Variants in CD44 observed in about 807,000 individuals in gnomAD.
CD44 encodes CD44 antigen.
A neutral mutation model predicts 88.8 loss-of-function variants in CD44; 49 were observed. That is an observed-to-expected ratio of 0.55 (90% CI 0.44 to 0.70). CD44 has a LOEUF of 0.70. CD44 is among the 30% of genes least tolerant of loss of function. The probability of loss-of-function intolerance (pLI) is 0.00; values close to 1 mark genes in which losing one functional copy is unlikely to be tolerated. For missense variants in CD44, 883 were observed against 913.8 expected, an observed-to-expected ratio of 0.97 and a Z score of 0.43; for synonymous variants, 325 against 312.3, an observed-to-expected ratio of 1.04 and a Z score of -0.43.
At chr11:35,160,478 G>C (rs1942458752) in intron 1 of CD44, among the ~76,000 whole-genome samples, 3 of 152,174 alleles carry the variant, frequency 2.0e-5, no homozygotes, top group Non-Finnish European at 4.4e-5. Context: ...CTTGACACCA[G>C]AGTGAAATGC....
chr11:35,203,613 T>C (rs1947525168), intron 9 of CD44, among the ~76,000 whole-genome samples: 1 of 152,030 alleles, frequency 6.6e-6, no homozygotes, highest in Non-Finnish European at 1.5e-5. Flanking sequence ...ATCACACATA[T>C]CATTTTCTAA....
intron 1 of CD44, among the ~76,000 whole-genome samples, chr11:35,172,921 C>T (rs917823892): frequency 2.0e-5 from 3 of 151,858 alleles, no homozygotes; most frequent in South Asian, 2.1e-4. Flanking sequence ...TTGGAAGACC[C>T]GTCATATAGA....
intron 11 of CD44, among the ~76,000 whole-genome samples, chr11:35,207,714 G>A (rs1260141128): frequency 6.6e-6 from 1 of 152,176 alleles, no homozygotes; most frequent in Non-Finnish European, 1.5e-5. Context: ...TGGTTGGTAA[G>A]GGGGAGGGGA....
At chr11:35,175,046 AGGTGAC>A (rs1481594388) in intron 1 of CD44, among the ~76,000 whole-genome samples, 3 of 149,222 alleles carry the variant, frequency 2.0e-5, no homozygotes, top group Admixed American at 2.0e-4. Flanking sequence ...CTCTAAAGTG[AGGTGAC>A]GTGGAGTTAA....
chr11:35,190,091 C>A lies in CD44; in HGVS notation c.667+26C>A, dbSNP rs892886749. On this transcript the variant is annotated intron_variant, in intron 5 of 17. Transcript: ENST00000428726. ...GTAAGGAGAATAAATCACTGTGCTT[C>A]CCAATAGCAATTCCCTGGCAAAATG... The A allele has an allele frequency of 3.8e-6, 6 of 1,582,248 alleles. No homozygotes were observed. The African/African-American group carries it at 6.7e-5, about 18-fold the overall frequency.
At chr11:35,147,034 G>C (rs768512031) in intron 1 of CD44, among the ~76,000 whole-genome samples, 1 of 152,220 alleles carries the variant, frequency 6.6e-6, no homozygotes, top group Non-Finnish European at 1.5e-5. Flanking sequence ...GTAGGGCTGA[G>C]AGGGATGTGA....
intron 1 of CD44, among the ~76,000 whole-genome samples, chr11:35,171,383 G>T (rs763030710): frequency 1.3e-5 from 2 of 152,206 alleles, no homozygotes; most frequent in African/African-American, 2.4e-5. Context: ...ACTTTCTCAT[G>T]AGATCAAGAT....
At chr11:35,187,876 T>G in intron 4 of CD44, among the ~76,000 whole-genome samples, 1 of 152,220 alleles carries the variant, frequency 6.6e-6, no homozygotes, top group East Asian at 1.9e-4. Context: ...ATTCGGGCAC[T>G]TTTTAAAAAT....
At position 35,215,075 on chromosome 11, in the gene CD44, C is replaced by G. The variant is rs1163674240; in HGVS notation, c.1873+161C>G. 7.1e-6 allele frequency: 3 copies of G among 423,086 alleles called. No individual in the cohort carries two copies. The East Asian group carries it at 1.1e-4, about 15-fold the overall frequency. 26.2% of individuals were successfully genotyped at this position (423,086 alleles called of 1,614,324 possible). On this transcript the variant is annotated intron_variant, in intron 15 of 17. Coordinates refer to ENST00000428726, the MANE Select transcript of CD44 (RefSeq NM_000610.4). The stretch of plus-strand genomic sequence containing the variant: ...GCTTATTAAACCACAATGCTGGACC[C>G]CACCCTTAAGGTTCCTGATTCAGTA...
intron 1 of CD44, among the ~76,000 whole-genome samples, chr11:35,145,902 C>A (rs907794508): frequency 2.0e-5 from 3 of 152,200 alleles, no homozygotes; most frequent in African/African-American, 7.2e-5. Context: ...TGACATCCGA[C>A]GGGGAGCCAC....
At chr11:35,212,499 C>G (rs2134216748) in intron 14 of CD44, 1 of 152,198 alleles carries the variant, frequency 6.6e-6, no homozygotes, top group South Asian at 2.1e-4. Flanking sequence ...TGAGTTCAAG[C>G]AATTCTCCTG....
intron 3 of CD44, among the ~76,000 whole-genome samples, chr11:35,181,954 A>AT (rs1366590316): frequency 1.1e-5 from 1 of 90,138 alleles, no homozygotes; most frequent in Non-Finnish European, 2.1e-5. Flanking sequence ...TAATATATAT[A>AT]AATTTTATAT....
chr11:35,139,692 T>C (rs901139201), intron 1 of CD44: 45 of 583,526 alleles, frequency 7.7e-5, no homozygotes, highest in African/African-American at 7.3e-4. Flanking sequence ...CGCACAGTCG[T>C]TGTCTGGACT....
chr11:35,139,438 C>A, intron 1 of CD44, 68 bp downstream of exon 1: 5 of 1,421,864 alleles, frequency 3.5e-6, no homozygotes, highest in Non-Finnish European at 4.9e-6. Context: ...CGGCGGCAGC[C>A]CCTCCGGCTG....
At chr11:35,142,497 T>C (rs920612611) in intron 1 of CD44, among the ~76,000 whole-genome samples, 1 of 152,008 alleles carries the variant, frequency 6.6e-6, no homozygotes, top group Non-Finnish European at 1.5e-5. Flanking sequence ...GAGCCCTGGG[T>C]CTTAGGGCTG....
chr11:35,175,229 G>A (rs900464420), intron 1 of CD44, among the ~76,000 whole-genome samples: 1 of 152,204 alleles, frequency 6.6e-6, no homozygotes, highest in Admixed American at 6.5e-5. Flanking sequence ...GCTACTTTGA[G>A]GTTAGAGAGG....
chr11:35,198,192 C>T lies in CD44; in HGVS notation c.868C>T (p.Leu290Phe). ...EENEDERDRH[L>F]SFSGSGIDDD... ...AAATGAAGATGAAAGAGACAGACAC[C>T]TCAGTTTTTCTGGATCAGGCATTGA... Residue 290 changes from leucine to phenylalanine, a missense_variant, in exon 7 of 18, where the codon CTC becomes TTC. Physicochemically the swap from Leu to Phe is conservative, Grantham distance 22. This residue lies in a region of CD44 where 631 missense variants were observed against 590.9 expected (regional missense o/e 1.07). Coordinates refer to ENST00000428726, the MANE Select transcript of CD44 (RefSeq NM_000610.4). 6.2e-7 allele frequency: 1 copy of T among 1,613,846 alleles called. No individual in the cohort carries two copies. Among genetic ancestry groups the T allele is most frequent in the Non-Finnish European group, 8.5e-7 (1 of 1,179,766 alleles).
At chr11:35,198,872 G>A (rs1221250435) in intron 7 of CD44, among the ~76,000 whole-genome samples, 1 of 151,212 alleles carries the variant, frequency 6.6e-6, no homozygotes, top group East Asian at 1.9e-4. Flanking sequence ...CTAGCTATTC[G>A]GGAGGCTGAG....
At chr11:35,216,211 C>T (rs1948819209) in intron 15 of CD44, among the ~76,000 whole-genome samples, 1 of 151,926 alleles carries the variant, frequency 6.6e-6, no homozygotes, top group African/African-American at 2.4e-5. Flanking sequence ...AGATCACACC[C>T]CTACAAACCT....
Sources: allele counts gnomAD v4.1 joint callset (sites outside exome capture counted in the v4.1 genomes callset), GRCh38; gene constraint gnomAD v4.1.1; regional missense constraint gnomAD v4.1.1; transcripts MANE v1.5; gene names NCBI Gene and HGNC (gene_info 2026-07-23, HGNC 2026-07-21).